DSCAML1: variants seen among roughly 807,000 people sequenced by gnomAD.
The protein encoded by DSCAML1 is cell adhesion molecule DSCAML1.
DSCAML1 carries 38 observed loss-of-function variants against 200.5 expected under a neutral mutation model. That is an observed-to-expected ratio of 0.19 (90% CI 0.15 to 0.25). DSCAML1 has a LOEUF of 0.25. DSCAML1 is among the 10% of genes least tolerant of loss of function. DSCAML1 has a pLI of 1.00. For missense variants in DSCAML1, 2,223 were observed against 2,858.8 expected, an observed-to-expected ratio of 0.78 and a Z score of 5.07; for synonymous variants, 1,215 against 1,165.0, an observed-to-expected ratio of 1.04 and a Z score of -0.87.
At chr11:117,626,140 C>T (rs954888898) in intron 3 of DSCAML1, among the ~76,000 whole-genome samples, 8 of 152,000 alleles carry the variant, frequency 5.3e-5, no homozygotes, top group Non-Finnish European at 8.8e-5. Context: ...ACCAGAGCTC[C>T]AGGCCAGAGA....
chr11:117,589,313 A>G (rs633983), intron 3 of DSCAML1, among the ~76,000 whole-genome samples: 33,926 of 152,132 alleles, frequency 0.22, 4,196 homozygotes, highest in South Asian at 0.47. Flanking sequence ...TCCTCCTGTC[A>G]CGCAGCTATT....
At chr11:117,574,444 C>T (rs970538766) in intron 3 of DSCAML1, among the ~76,000 whole-genome samples, 1 of 152,188 alleles carries the variant, frequency 6.6e-6, no homozygotes, top group African/African-American at 2.4e-5. Flanking sequence ...TCTCTGAGGC[C>T]CACATCCTTT....
At chr11:117,808,439 C>T (rs576377433) in intron 1 of DSCAML1, among the ~76,000 whole-genome samples, 78 of 152,258 alleles carry the variant, frequency 5.1e-4, no homozygotes, top group African/African-American at 1.8e-3. Flanking sequence ...CATGCTATCC[C>T]CTGAGAGCAT....
intron 3 of DSCAML1, among the ~76,000 whole-genome samples, chr11:117,769,227 TATATTATATATTTTATATA>T (rs2054964683): frequency 3.7e-5 from 1 of 26,908 alleles, no homozygotes; most frequent in Non-Finnish European, 6.8e-5. Flanking sequence ...ATATATTGTA[TATATTATATATTTTATATA>T]TGTATATATT....
At chr11:117,429,923 A>G (rs1289685718) in intron 32 of DSCAML1, among the ~76,000 whole-genome samples, 1 of 152,246 alleles carries the variant, frequency 6.6e-6, no homozygotes, top group Non-Finnish European at 1.5e-5. Flanking sequence ...AAATTTGCAC[A>G]GCTAAAAGGG....
At chr11:117,793,320 G>C (rs201426556) in intron 1 of DSCAML1, among the ~76,000 whole-genome samples, 1 of 152,138 alleles carries the variant, frequency 6.6e-6, no homozygotes, top group East Asian at 1.9e-4. Flanking sequence ...CTACTTCAGA[G>C]GTCCCCCAGA....
chr11:117,762,868 GTAA>G (rs58166401), intron 3 of DSCAML1, among the ~76,000 whole-genome samples: 5,654 of 146,610 alleles, frequency 0.039, 251 homozygotes, highest in African/African-American at 0.11. Flanking sequence ...GTCTCAAATA[GTAA>G]TAATAATAAT....
chr11:117,526,355 T>A (rs549889148), intron 4 of DSCAML1, among the ~76,000 whole-genome samples: 39 of 152,300 alleles, frequency 2.6e-4, no homozygotes, highest in Admixed American at 2.2e-3. Flanking sequence ...CTGGGTCACC[T>A]GGATGCCCAG....
chr11:117,490,654 G>A (rs1205852958), intron 11 of DSCAML1, among the ~76,000 whole-genome samples: 2 of 152,240 alleles, frequency 1.3e-5, no homozygotes, highest in Non-Finnish European at 1.5e-5. Flanking sequence ...TACAGAACCA[G>A]TGAGGAAATG....
chr11:117,690,352 T>C (rs1259382148), intron 3 of DSCAML1, among the ~76,000 whole-genome samples: 3 of 152,204 alleles, frequency 2.0e-5, no homozygotes, highest in Non-Finnish European at 4.4e-5. Flanking sequence ...CCCAGGAAGC[T>C]TAAAGCCCCA....
intron 3 of DSCAML1, among the ~76,000 whole-genome samples, chr11:117,617,688 AC>A (rs2051839168): frequency 2.6e-5 from 2 of 78,146 alleles, no homozygotes; most frequent in African/African-American, 9.7e-5. Flanking sequence ...ACGCACACAC[AC>A]ACACACACAC....
chr11:117,742,524 T>C (rs1271727105), intron 3 of DSCAML1, among the ~76,000 whole-genome samples: 1 of 152,090 alleles, frequency 6.6e-6, no homozygotes, highest in Non-Finnish European at 1.5e-5. Flanking sequence ...CTGGTAACAC[T>C]CTGAGCTTGG....
chr11:117,555,465 C>G (rs578205805), intron 3 of DSCAML1, among the ~76,000 whole-genome samples: 1 of 152,142 alleles, frequency 6.6e-6, no homozygotes, highest in Admixed American at 6.5e-5. Context: ...ATGAAGTGAC[C>G]GCTGTCTCTG....
intron 3 of DSCAML1, among the ~76,000 whole-genome samples, chr11:117,612,221 G>T (rs145372340): frequency 9.8e-5 from 15 of 152,312 alleles, no homozygotes; most frequent in Non-Finnish European, 1.8e-4. Context: ...TCCAGAAAGA[G>T]CTCCACTGGG....
intron 3 of DSCAML1, among the ~76,000 whole-genome samples, chr11:117,670,766 C>A (rs1212032523): frequency 6.6e-6 from 1 of 152,150 alleles, no homozygotes; most frequent in Non-Finnish European, 1.5e-5. Context: ...TTTCTATACA[C>A]CCTTGACTGG....
At chr11:117,812,352 T>C (rs1400338326) in intron 1 of DSCAML1, among the ~76,000 whole-genome samples, 2 of 152,130 alleles carry the variant, frequency 1.3e-5, no homozygotes, top group African/African-American at 2.4e-5. Context: ...CTCCTTACAA[T>C]TCCCCCATTT....
At chr11:117,576,097 G>A (rs775668148) in intron 3 of DSCAML1, among the ~76,000 whole-genome samples, 24 of 152,148 alleles carry the variant, frequency 1.6e-4, no homozygotes, top group African/African-American at 1.7e-4. Context: ...TGCAGAGCCT[G>A]GGCTCTGAAG....
At position 117,428,176 on chromosome 11, in the gene DSCAML1, T is replaced by TATGTACAGGCGTTC. The variant is rs1425381848; in HGVS notation, c.*138_*151dup. On this transcript the variant is annotated 3_prime_UTR_variant, in exon 33 of 33. Transcript: ENST00000651296. The stretch of plus-strand genomic sequence containing the variant: ...TAGTTTCATTTGTACAAAAGAGTTC[T>TATGTACAGGCGTTC]ATGTACAGGCGTTCATGATTGGGGG... 15 of 588,968 alleles carry TATGTACAGGCGTTC rather than the reference T, an allele frequency of 2.5e-5. No homozygotes were observed. The highest frequency in any genetic ancestry group is 4.5e-4 in the Middle Eastern group (1 of 2,240). 36.5% of individuals were successfully genotyped at this position (588,968 alleles called of 1,614,324 possible). A position where few individuals can be genotyped will look rare whatever the true frequency, so the allele number is the denominator to read the frequency against.
At chr11:117,671,036 G>A (rs1277236123) in intron 3 of DSCAML1, among the ~76,000 whole-genome samples, 2 of 152,166 alleles carry the variant, frequency 1.3e-5, no homozygotes, top group African/African-American at 4.8e-5. Context: ...AAACCAAGAG[G>A]CCAATTCCCT....
Sources: allele counts gnomAD v4.1 joint callset (sites outside exome capture counted in the v4.1 genomes callset), GRCh38; gene constraint gnomAD v4.1.1; transcripts MANE v1.5; gene names NCBI Gene and HGNC (gene_info 2026-07-23, HGNC 2026-07-21).